Variants in OMD observed in about 807,000 individuals in gnomAD.
OMD encodes osteomodulin.
A neutral mutation model predicts 31.2 loss-of-function variants in OMD; 19 were observed. That is an observed-to-expected ratio of 0.61 (90% CI 0.42 to 0.89). The LOEUF (loss-of-function observed/expected upper bound fraction) is 0.89, where lower values mean the gene tolerates loss of function less well. Ranked by LOEUF, OMD falls within the 40% of genes least tolerant of loss-of-function variation. The probability of loss-of-function intolerance (pLI) is 0.00; values close to 1 mark genes in which losing one functional copy is unlikely to be tolerated. For missense variants in OMD, 448 were observed against 490.8 expected (o/e 0.91, Z 0.82); for synonymous variants, 155 against 166.4 (o/e 0.93, Z 0.53).
At chr9:92,420,691 A>G (rs548515944) in intron 1 of OMD, among the ~76,000 whole-genome samples, 6 of 149,436 alleles carry the variant, frequency 4.0e-5, no homozygotes, top group African/African-American at 1.2e-4. Context: ...ATTTATTTCT[A>G]TTTTCTTATA....
Position 92,417,187 on chromosome 9 carries a change from G to T in OMD, c.372C>A (p.His124Gln), listed in dbSNP as rs764235339. The T allele has an allele frequency of 6.2e-7, 1 of 1,613,864 alleles. No individual in the cohort carries two copies. Residue 124 changes from histidine (H) to glutamine (Q), a missense_variant, in exon 2 of 3, where the codon CAC (histidine) becomes CAA (glutamine). Transcript: ENST00000375550. ...CAATCTTTTGAGATTTAATTTTGTT[G>T]TGGCTGAGGTTAATTTCTTTAAGAT... ...ATHLKEINLS[H>Q]NKIKSQKIDY...
rs1238201648 is a variant in OMD at position 92,415,136 on chromosome 9, C to T, written c.*16G>A. 2.5e-6 allele frequency: 4 copies of T among 1,584,100 alleles called. No individual in the cohort carries two copies. The highest frequency in any genetic ancestry group is 3.4e-6 in the Non-Finnish European group (4 of 1,166,496). ...GGTTTTGTGAAGTCGTAAGTGTATA[C>T]CTATATAGTTTCTTGCTATTCTTGA... On this transcript the variant is annotated 3_prime_UTR_variant, in exon 3 of 3. Coordinates refer to ENST00000375550, the MANE Select transcript of OMD (RefSeq NM_005014.3).
In OMD at chr9:92,417,516, C is replaced by CA. The variant is rs766963068; in HGVS notation, c.42dup (p.Gly15TrpfsTer9). The CA allele has an allele frequency of 1.5e-5, 24 of 1,601,490 alleles. No homozygotes were observed. Among genetic ancestry groups the CA allele is most frequent in the Non-Finnish European group, 2.0e-5 (23 of 1,176,328 alleles). The stretch of plus-strand genomic sequence containing the variant: ...TCATATTGGCAATGTACTTTGACTC[C>CA]AAAAAAGAAGAAAATAACATATATT... On this transcript the variant is annotated frameshift_variant, in exon 2 of 3. Transcript: ENST00000375550. LOFTEE classifies it high-confidence loss of function.
In OMD at chr9:92,417,572, T is replaced by G; in HGVS notation, c.-14A>C. ...TAAAAAACCCATCTTCTTTTTTTTT[T>G]TCCTATTGCAAGGAGAAAAGGAAAC... On this transcript the variant is annotated splice_region_variant and 5_prime_UTR_variant, in exon 2 of 3. Transcript: ENST00000375550. The G allele has an allele frequency of 1.3e-6, 2 of 1,499,708 alleles. No individual in the cohort carries two copies. The highest frequency in any genetic ancestry group is 1.8e-6 in the Non-Finnish European group (2 of 1,110,138). 92.9% of individuals were successfully genotyped at this position (1,499,708 alleles called of 1,614,324 possible).
chr9:92,415,153 T>C lies in OMD; in HGVS notation c.1265A>G (p.Ter422TrpextTer5). The C allele has an allele frequency of 6.2e-7, 1 of 1,600,448 alleles. No homozygotes were observed. Among genetic ancestry groups the C allele is most frequent in the African/African-American group, 1.4e-5 (1 of 74,052 alleles). Reference sequence around the variant, plus strand: ...AGTGTATACCTATATAGTTTCTTGCTATTCTTGATTTTCATAATAATGAAG... The same window carrying C: ...AGTGTATACCTATATAGTTTCTTGCCATTCTTGATTTTCATAATAATGAAG... Reference protein sequence around the residue: ...FDLHYYENQE* With the variant: ...FDLHYYENQEW The change falls in exon 3 of 3, where the codon TAG becomes TGG. Residue 422 changes from the stop codon to tryptophan, a stop_lost. Coordinates refer to ENST00000375550, the MANE Select transcript of OMD (RefSeq NM_005014.3).
At position 92,416,904 on chromosome 9, in the gene OMD, G is replaced by A. The variant is rs1432459676; in HGVS notation, c.655C>T (p.Leu219Phe). The change falls in exon 2 of 3, where the codon CTC becomes TTC. Residue 219 changes from leucine (L) to phenylalanine (F), a missense_variant. Physicochemically the swap from Leu to Phe is conservative, Grantham distance 22. Transcript: ENST00000375550. Reference protein sequence around the residue: ...AKMEKLMQLNLCSNRLESMPP... With the variant: ...AKMEKLMQLNFCSNRLESMPP... Reference sequence around the variant, plus strand: ...ATTGATTCTAATCTGTTACTGCAGAGGTTGAGCTGCATTAGTTTTTCCATT... The same window carrying A: ...ATTGATTCTAATCTGTTACTGCAGAAGTTGAGCTGCATTAGTTTTTCCATT... 1.2e-6 allele frequency: 2 copies of A among 1,613,874 alleles called. No homozygotes were observed. The highest frequency in any genetic ancestry group is 1.7e-6 in the Non-Finnish European group (2 of 1,179,970).
chr9:92,417,849 C>G lies in OMD; in HGVS notation c.-16-275G>C, dbSNP rs988998033. On this transcript the variant is annotated intron_variant, in intron 1 of 2. Coordinates refer to ENST00000375550, the MANE Select transcript of OMD (RefSeq NM_005014.3). ...TCAAGCAATTCTCATGCCTCAGCCT[C>G]CCAAGTAGCTGGGACTACAGGTGCA... Among the ~76,000 whole-genome samples, 11 of 152,182 alleles carry G rather than the reference C, an allele frequency of 7.2e-5. No individual in the cohort carries two copies. The South Asian group carries it at 2.1e-3, about 29-fold the overall frequency.
In OMD at chr9:92,412,975, CTTTTTT is replaced by C. The variant is rs35323105; in HGVS notation, c.*2171_*2176del. 2.2e-5 allele frequency among the ~76,000 whole-genome samples: 1 copy of C among 45,244 alleles called. No homozygotes were observed. Among genetic ancestry groups the C allele is most frequent in the Non-Finnish European group, 3.9e-5 (1 of 25,392 alleles). The allele number at this position is 45,244 out of a possible 152,430, so 29.7% of individuals were successfully genotyped here. A position where few individuals can be genotyped will look rare whatever the true frequency, so the allele number is the denominator to read the frequency against. Reference sequence around the variant, plus strand: ...AATCGCTGGGTTATATGTAACTAAGCTTTTTTTTTTTTTTTTTTTTTTTTTTGATAT... The same window carrying C: ...AATCGCTGGGTTATATGTAACTAAGCTTTTTTTTTTTTTTTTTTTTGATAT... On this transcript the variant is annotated 3_prime_UTR_variant, in exon 3 of 3. Coordinates refer to ENST00000375550, the MANE Select transcript of OMD (RefSeq NM_005014.3).
rs1588112196 is a variant in OMD, at chr9:92,413,486, A to C, written c.*1666T>G. ...ATTTGCATTTCCCTAATGGCTCATA[A>C]ATTTTAAATTGCTCTAGGTTAGGAA... On this transcript the variant is annotated 3_prime_UTR_variant, in exon 3 of 3. Coordinates refer to ENST00000375550, the MANE Select transcript of OMD (RefSeq NM_005014.3). 6.6e-6 allele frequency among the ~76,000 whole-genome samples: 1 copy of C among 152,264 alleles called. No homozygotes were observed. Among genetic ancestry groups the C allele is most frequent in the East Asian group, 1.9e-4 (1 of 5,186 alleles).
At chr9:92,416,072 T>TATATATATATATATATATATATATATA (rs368634649) in intron 2 of OMD, among the ~76,000 whole-genome samples, 1 of 125,432 alleles carries the variant, frequency 8.0e-6, no homozygotes, top group Non-Finnish European at 1.7e-5. Flanking sequence ...ATATATATAT[T>TATATATATATATATATATATATATATA]TATTTATTTA....
chr9:92,423,040 G>C (rs1843861074), intron 1 of OMD, among the ~76,000 whole-genome samples: 1 of 152,092 alleles, frequency 6.6e-6, no homozygotes, highest in African/African-American at 2.4e-5. Context: ...TAAGTTATAG[G>C]TTAAGGCTTG....
At chr9:92,422,655 T>G (rs571336190) in intron 1 of OMD, among the ~76,000 whole-genome samples, 82 of 152,244 alleles carry the variant, frequency 5.4e-4, no homozygotes, top group Non-Finnish European at 1.0e-3. Context: ...TTCCTAACCA[T>G]GTAGTACAAT....
intron 1 of OMD, among the ~76,000 whole-genome samples, chr9:92,421,049 C>T (rs1352600160): frequency 1.3e-5 from 2 of 152,016 alleles, no homozygotes; most frequent in Non-Finnish European, 2.9e-5. Context: ...AGGGATTAGC[C>T]TAACTTTTTT....
intron 2 of OMD, 111 bp from the exon 3 acceptor site, chr9:92,415,588 A>T (rs946030012): frequency 6.5e-5 from 30 of 461,500 alleles, no homozygotes; most frequent in Non-Finnish European, 9.1e-5. Flanking sequence ...GTTAATTAAA[A>T]TATTTATAAA....
intron 1 of OMD, among the ~76,000 whole-genome samples, chr9:92,418,840 A>G (rs993477038): frequency 2.0e-5 from 3 of 152,178 alleles, no homozygotes; most frequent in Admixed American, 6.5e-5. Flanking sequence ...CCAGAATCCA[A>G]TTATTTAGTC....
At chr9:92,418,425 C>T (rs1305238869) in intron 1 of OMD, among the ~76,000 whole-genome samples, 1 of 151,556 alleles carries the variant, frequency 6.6e-6, no homozygotes. Context: ...TTACACTGAA[C>T]TTGAGTCAAA....
intron 2 of OMD, 32 bp from the exon 3 acceptor site, chr9:92,415,509 A>C: frequency 7.8e-7 from 1 of 1,289,668 alleles, no homozygotes; most frequent in South Asian, 1.5e-5. Context: ...TTAATCTTGT[A>C]TTATAGTATA....
At chr9:92,422,584 G>A (rs1843840548) in intron 1 of OMD, among the ~76,000 whole-genome samples, 1 of 152,148 alleles carries the variant, frequency 6.6e-6, no homozygotes, top group Non-Finnish European at 1.5e-5. Context: ...CTTTCCTTGA[G>A]GAACAATTTC....
At chr9:92,416,012 G>C (rs953317699) in intron 2 of OMD, among the ~76,000 whole-genome samples, 1 of 141,354 alleles carries the variant, frequency 7.1e-6, no homozygotes, top group Non-Finnish European at 1.5e-5. Flanking sequence ...ATATATAAAA[G>C]AGAATATATA....
Sources: gnomAD v4.1 joint callset for allele counts (sites outside exome capture counted in the v4.1 genomes callset) on GRCh38, gnomAD v4.1.1 for gene constraint, MANE v1.5 for transcripts, NCBI Gene and HGNC (gene_info 2026-07-23, HGNC 2026-07-21) for gene names.